The following PRDM10 variants were observed in gnomAD, a reference collection of about 807,000 sequenced individuals.
The protein encoded by PRDM10 is PR domain zinc finger protein 10.
A neutral mutation model predicts 133.1 loss-of-function variants in PRDM10; 65 were observed. The observed-to-expected ratio is 0.49, with a 90% CI of 0.40 to 0.60. The LOEUF is 0.60. Ranked by LOEUF, PRDM10 falls within the 20% of genes least tolerant of loss-of-function variation. The pLI, the probability that PRDM10 is intolerant of heterozygous loss-of-function variation, is 0.00. For synonymous variants in PRDM10, 582 were observed against 580.4 expected, an observed-to-expected ratio of 1.00 and a Z score of -0.04; for missense variants, 1,137 against 1,507.1, an observed-to-expected ratio of 0.75 and a Z score of 4.07.
intron 1 of PRDM10, among the ~76,000 whole-genome samples, chr11:129,961,723 A>C (rs745378660): frequency 4.7e-4 from 71 of 152,078 alleles, no homozygotes; most frequent in Non-Finnish European, 8.1e-4. Flanking sequence ...TTTTAAAAAA[A>C]TAATAATATA....
intron 1 of PRDM10, among the ~76,000 whole-genome samples, chr11:129,995,181 C>T (rs7119898): frequency 0.056 from 8,486 of 152,102 alleles, 371 homozygotes; most frequent in Admixed American, 0.14. Context: ...TTACACAGTC[C>T]GGAATAATTT....
chr11:129,944,854 T>TGCGCCGCTTGGAGAAC lies in PRDM10; in HGVS notation c.663_678dup (p.Ile227ValfsTer37). 6.2e-7 allele frequency: 1 copy of TGCGCCGCTTGGAGAAC among 1,614,142 alleles called. No individual in the cohort carries two copies. Among genetic ancestry groups the TGCGCCGCTTGGAGAAC allele is most frequent in the Non-Finnish European group, 8.5e-7 (1 of 1,180,032 alleles). On this transcript the variant is annotated frameshift_variant, in exon 6 of 21. Transcript: ENST00000360871. LOFTEE classifies it high-confidence loss of function. ...GGGCCAAACTGGGTGCGCTTGGGGA[T>TGCGCCGCTTGGAGAAC]GCGCCGCTTGGAGAACACCCCGCCC...
At chr11:129,903,018 G>A (rs1226113158) in intron 20 of PRDM10, among the ~76,000 whole-genome samples, 1 of 152,112 alleles carries the variant, frequency 6.6e-6, no homozygotes, top group Non-Finnish European at 1.5e-5. Context: ...ATGGAGGCCA[G>A]GCATGGTGGC....
At chr11:129,926,545 T>G (rs1950683908) in intron 11 of PRDM10, among the ~76,000 whole-genome samples, 1 of 152,238 alleles carries the variant, frequency 6.6e-6, no homozygotes, top group African/African-American at 2.4e-5. Context: ...TAATGTGAAA[T>G]CATCATGTGA....
Position 129,977,297 on chromosome 11 carries a change from C to CACACACACACACAT in PRDM10, c.-118-16216_-118-16215insATGTGTGTGTGTGT, listed in dbSNP as rs1465081302. On this transcript the variant is annotated intron_variant, in intron 1 of 20. Coordinates refer to ENST00000360871, the MANE Select transcript of PRDM10 (RefSeq NM_199437.2). ...ACACACACACACACACACACACACA[C>CACACACACACACAT]ACATTGAGATGCAGTCTCACTCTGT... Among the ~76,000 whole-genome samples the CACACACACACACAT allele has an allele frequency of 5.4e-5, 8 of 147,656 alleles. No individual in the cohort carries two copies. In the East Asian group the frequency reaches 8.4e-4, roughly 16 times the overall value.
chr11:129,915,989 A>G, intron 15 of PRDM10, 129 bp from the exon 16 acceptor site: 2 of 812,202 alleles, frequency 2.5e-6, no homozygotes, highest in Non-Finnish European at 3.7e-6. Context: ...ATATATTAAT[A>G]TGTATATTAA....
intron 12 of PRDM10, among the ~76,000 whole-genome samples, chr11:129,924,637 T>C (rs866527936): frequency 1.3e-5 from 2 of 152,220 alleles, no homozygotes; most frequent in Admixed American, 6.5e-5. Context: ...AAAATTATAA[T>C]AGATCTGGGT....
At chr11:129,904,275 C>A (rs1205503909) in intron 20 of PRDM10, among the ~76,000 whole-genome samples, 1 of 151,900 alleles carries the variant, frequency 6.6e-6, no homozygotes, top group Non-Finnish European at 1.5e-5. Context: ...ATATTCCTAG[C>A]CATTGAAGAG....
At chr11:129,976,553 A>G (rs1159621061) in intron 1 of PRDM10, among the ~76,000 whole-genome samples, 1 of 152,232 alleles carries the variant, frequency 6.6e-6, no homozygotes, top group Non-Finnish European at 1.5e-5. Flanking sequence ...GCACAGAACA[A>G]TAAGCTAGTG....
At chr11:129,979,063 T>C (rs1937956764) in intron 1 of PRDM10, among the ~76,000 whole-genome samples, 1 of 152,112 alleles carries the variant, frequency 6.6e-6, no homozygotes, top group African/African-American at 2.4e-5. Context: ...CAACATTCAG[T>C]GCGAGTTCTA....
In PRDM10 at chr11:129,925,207, AAC is replaced by A; in HGVS notation, c.1551_1552del (p.Phe518TyrfsTer9). Reference sequence around the variant, plus strand: ...AAAAGGCCGGAAGGACTTCCGAATAAACAGATGCTGAAGAGCTGCATTCTGAA... The same window carrying A: ...AAAAGGCCGGAAGGACTTCCGAATAAAGATGCTGAAGAGCTGCATTCTGAA... On this transcript the variant is annotated frameshift_variant, in exon 12 of 21. Coordinates refer to ENST00000360871, the MANE Select transcript of PRDM10 (RefSeq NM_199437.2). LOFTEE classifies it high-confidence loss of function. 1 of 1,611,666 alleles carries A rather than the reference AAC, an allele frequency of 6.2e-7. No individual in the cohort carries two copies. Among genetic ancestry groups the A allele is most frequent in the Non-Finnish European group, 8.5e-7 (1 of 1,179,016 alleles).
At chr11:129,914,526 C>T (rs1307883779) in intron 17 of PRDM10, 178 bp downstream of exon 17, 1 of 852,810 alleles carries the variant, frequency 1.2e-6, no homozygotes, top group East Asian at 2.7e-5. Flanking sequence ...AAATCTCTTA[C>T]ATTGCTAAGG....
At chr11:129,992,423 T>C (rs1185840321) in intron 1 of PRDM10, among the ~76,000 whole-genome samples, 1 of 152,336 alleles carries the variant, frequency 6.6e-6, no homozygotes, top group South Asian at 2.1e-4. Flanking sequence ...GTCACAGTGC[T>C]GATAAGAGGA....
chr11:129,944,867 G>A lies in PRDM10; in HGVS notation c.666C>T (p.Phe222=), dbSNP rs1008344809. 4 of 1,614,034 alleles carry A rather than the reference G, an allele frequency of 2.5e-6. No individual in the cohort carries two copies. In the African/African-American group the frequency reaches 5.3e-5, roughly 22 times the overall value. The part of the protein sequence containing the change: ...LYIDRFLGGV[F]SKRRIPKRTQ... ...TGCGCTTGGGGATGCGCCGCTTGGA[G>A]AACACCCCGCCCAGAAACCTGTCTA... is the stretch of plus-strand genomic sequence containing the variant. The change falls in exon 6 of 21, where the codon TTC becomes TTT. Residue 222 remains phenylalanine, a synonymous_variant. Transcript: ENST00000360871.
rs1212514861 is a variant in PRDM10, at chr11:129,902,374, T to C, written c.3410A>G (p.Tyr1137Cys). ...CCCGTTGGTGGTGGTGGTGATGATG[T>C]ACTGTGTGGTCTGCTGTTGGCTGTT... Reference protein sequence around the residue: ...QTNSQQQTTQYIITTTTNGNG... With the variant: ...QTNSQQQTTQCIITTTTNGNG... The change falls in exon 21 of 21, where the codon TAC (tyrosine) becomes TGC (cysteine). Residue 1137 changes from tyrosine (Y) to cysteine (C), a missense_variant. Tyr to Cys is a radical substitution (Grantham distance 194, BLOSUM62 -2). Coordinates refer to ENST00000360871, the MANE Select transcript of PRDM10 (RefSeq NM_199437.2). 6.2e-7 allele frequency: 1 copy of C among 1,613,996 alleles called. No individual in the cohort carries two copies. The highest frequency in any genetic ancestry group is 8.5e-7 in the Non-Finnish European group (1 of 1,179,942).
rs146674256 is a variant in PRDM10, at chr11:129,947,244, C to T, written c.421G>A (p.Asp141Asn). 1.9e-3 allele frequency: 3,091 copies of T among 1,614,120 alleles called. 1 individual carries two copies. The highest frequency in any genetic ancestry group is 2.4e-3 in the Non-Finnish European group (2,831 of 1,180,004). ...EAKEEEDEDE[D>N]EDTEEDEEED... The stretch of plus-strand genomic sequence containing the variant: ...TCCTCATCTTCCTCAGTGTCCTCGT[C>T]CTCATCCTCATCCTCTTCCTCTTTG... Residue 141 changes from aspartate to asparagine, a missense_variant, in exon 5 of 21, where the codon GAC (aspartate) becomes AAC (asparagine). Asp to Asn is a conservative substitution (Grantham distance 23). Around this residue, in one of 6 missense-constraint regions of PRDM10, gnomAD observed 635 missense variants for 835.2 expected, o/e 0.76. Transcript: ENST00000360871. The surrounding 1 kb of genome is among the most constrained non-coding windows in gnomAD (Gnocchi z 4.6).
At chr11:129,987,293 A>C (rs1436532465) in intron 1 of PRDM10, among the ~76,000 whole-genome samples, 1 of 152,198 alleles carries the variant, frequency 6.6e-6, no homozygotes. Context: ...TGCCTTTATT[A>C]ATGATACTCT....
intron 10 of PRDM10, among the ~76,000 whole-genome samples, chr11:129,931,576 AT>A (rs66505343): frequency 0.066 from 9,419 of 143,216 alleles, 655 homozygotes; most frequent in East Asian, 0.38. Context: ...ATTTTATTTT[AT>A]TTTTTTTTTG....
chr11:129,907,976 C>T (rs1291687250), intron 19 of PRDM10, among the ~76,000 whole-genome samples: 1 of 151,032 alleles, frequency 6.6e-6, no homozygotes, highest in Non-Finnish European at 1.5e-5. Flanking sequence ...TGGTATGTGC[C>T]TGTAGTCCTA....
Sources: allele counts gnomAD v4.1 joint callset (sites outside exome capture counted in the v4.1 genomes callset), GRCh38; gene constraint gnomAD v4.1.1; regional missense constraint gnomAD v4.1.1; non-coding constraint Gnocchi (gnomAD v3.1); transcripts MANE v1.5; gene names NCBI Gene and HGNC (gene_info 2026-07-23, HGNC 2026-07-21).